Variants in ADAMTS17 observed in about 807,000 individuals in gnomAD.
ADAMTS17 encodes ADAM metallopeptidase with thrombospondin type 1 motif 17, also known as A disintegrin and metalloproteinase with thrombospondin motifs 17.
A neutral mutation model predicts 141.5 loss-of-function variants in ADAMTS17; 113 were observed. The ratio of observed to expected loss-of-function variants is 0.80; its 90% CI spans 0.69 to 0.93. The LOEUF (loss-of-function observed/expected upper bound fraction) is 0.93. Among genes scored for constraint, ADAMTS17 ranks in the 40% least tolerant of loss-of-function variants. The probability of loss-of-function intolerance (pLI) is 0.00; values close to 1 mark genes in which losing one functional copy is unlikely to be tolerated. For missense variants in ADAMTS17, 1,659 were observed against 1,517.9 expected (o/e 1.09, Z -1.54); for synonymous variants, 768 against 630.6 (o/e 1.22, Z -3.27).
chr15:100,300,285 T>C (rs74039221), intron 3 of ADAMTS17, among the ~76,000 whole-genome samples: 15,323 of 151,872 alleles, frequency 0.1, 1,247 homozygotes, highest in East Asian at 0.31. Flanking sequence ...AACCATAGGC[T>C]TAGGGGTGAG....
chr15:100,178,006 T>C (rs1329325804), intron 8 of ADAMTS17, among the ~76,000 whole-genome samples: 1 of 152,178 alleles, frequency 6.6e-6, no homozygotes. Flanking sequence ...AATGAATGTT[T>C]TCATGATGTA....
intron 20 of ADAMTS17, among the ~76,000 whole-genome samples, chr15:99,981,038 G>A (rs1229580648): frequency 2.0e-5 from 3 of 152,202 alleles, no homozygotes; most frequent in East Asian, 1.9e-4. Context: ...AGGTTGGCAC[G>A]GGTCCACGTC....
At chr15:100,059,758 C>G (rs1228078805) in intron 15 of ADAMTS17, among the ~76,000 whole-genome samples, 1 of 152,210 alleles carries the variant, frequency 6.6e-6, no homozygotes, top group Non-Finnish European at 1.5e-5. Context: ...GCTCTCCTGC[C>G]TTGCGTTAGC....
chr15:100,122,295 T>C (rs550067310), intron 12 of ADAMTS17, among the ~76,000 whole-genome samples: 48 of 152,360 alleles, frequency 3.2e-4, no homozygotes, highest in Admixed American at 5.2e-4. Flanking sequence ...GATTTAAAAA[T>C]ATGACCACAG....
rs8027989 is a variant in ADAMTS17, at chr15:100,313,992, C to T, written c.616+16897G>A. On this transcript the variant is annotated intron_variant, in intron 3 of 21. Transcript: ENST00000268070. ...AAACGTCAGACAAAACCACCCCAAA[C>T]GTCACCATGAAGAAACGTCAGACAA... is the stretch of plus-strand genomic sequence containing the variant. Among the ~76,000 whole-genome samples the T allele has an allele frequency of 1.2e-3, 107 of 92,998 alleles. 1 individual carries two copies. The highest frequency in any genetic ancestry group is 2.4e-3 in the South Asian group (4 of 1,684). 61.0% of individuals were successfully genotyped at this position (92,998 alleles called of 152,430 possible).
intron 6 of ADAMTS17, among the ~76,000 whole-genome samples, 186 bp from the exon 7 acceptor site, chr15:100,254,365 T>A (rs1420019093): frequency 6.6e-6 from 1 of 152,174 alleles, no homozygotes; most frequent in African/African-American, 2.4e-5. Flanking sequence ...CCGGGGTAGG[T>A]CCACTTACCC....
intron 4 of ADAMTS17, among the ~76,000 whole-genome samples, chr15:100,265,869 C>A (rs552768418): frequency 3.0e-4 from 46 of 152,328 alleles, no homozygotes; most frequent in Admixed American, 7.8e-4. Context: ...ATTCTGGAGT[C>A]CACCCCAGCC....
At chr15:100,088,211 C>T (rs1178932915) in intron 15 of ADAMTS17, among the ~76,000 whole-genome samples, 1 of 152,018 alleles carries the variant, frequency 6.6e-6, no homozygotes, top group Non-Finnish European at 1.5e-5. Context: ...AAACAGAGAG[C>T]CAAATCATGA....
intron 7 of ADAMTS17, among the ~76,000 whole-genome samples, chr15:100,202,187 C>G (rs1428668802): frequency 2.0e-5 from 3 of 152,240 alleles, no homozygotes; most frequent in African/African-American, 7.2e-5. Flanking sequence ...CAGCCACACT[C>G]AGCACTCGGA....
At chr15:100,147,273 A>G (rs2038953368) in intron 10 of ADAMTS17, among the ~76,000 whole-genome samples, 1 of 152,162 alleles carries the variant, frequency 6.6e-6, no homozygotes, top group South Asian at 2.1e-4. Flanking sequence ...GGAAAATAGA[A>G]AAGAACCTAC....
At chr15:100,205,972 G>C (rs1261931840) in intron 7 of ADAMTS17, among the ~76,000 whole-genome samples, 1 of 152,204 alleles carries the variant, frequency 6.6e-6, no homozygotes, top group African/African-American at 2.4e-5. Flanking sequence ...TCCACACTGA[G>C]CCACGCACCC....
At chr15:99,984,752 T>G (rs952961179) in intron 20 of ADAMTS17, among the ~76,000 whole-genome samples, 7 of 152,354 alleles carry the variant, frequency 4.6e-5, no homozygotes, top group Admixed American at 4.6e-4. Context: ...TGCCCTGCTC[T>G]GAGGTCAATG....
chr15:100,307,966 T>G (rs1390910153), intron 3 of ADAMTS17, among the ~76,000 whole-genome samples: 2 of 152,242 alleles, frequency 1.3e-5, no homozygotes, highest in East Asian at 3.8e-4. Flanking sequence ...AAATTCAACC[T>G]ACGAGTACGT....
At chr15:100,009,324 C>CT (rs1421948665) in intron 18 of ADAMTS17, among the ~76,000 whole-genome samples, 2 of 152,068 alleles carry the variant, frequency 1.3e-5, no homozygotes, top group African/African-American at 4.8e-5. Flanking sequence ...CAGGGGCTTT[C>CT]TTTTTTTATT....
chr15:100,152,989 T>C (rs114887368), intron 9 of ADAMTS17, among the ~76,000 whole-genome samples: 951 of 24,538 alleles, frequency 0.039, 17 homozygotes, highest in African/African-American at 0.064. Context: ...AGTAAGAACC[T>C]GGAGACTCGG....
chr15:100,039,489 C>G (rs566529171), intron 18 of ADAMTS17, among the ~76,000 whole-genome samples: 10 of 152,332 alleles, frequency 6.6e-5, no homozygotes, highest in African/African-American at 2.2e-4. Flanking sequence ...CTTGTGATTT[C>G]TATTTGACCC....
At chr15:100,097,868 C>T (rs12443479) in intron 14 of ADAMTS17, among the ~76,000 whole-genome samples, 25,823 of 152,196 alleles carry the variant, frequency 0.17, 2,177 homozygotes, top group South Asian at 0.23. Flanking sequence ...GTCTCATCCT[C>T]GGAGCCTTTT....
chr15:100,168,590 G>C (rs2040039373), intron 8 of ADAMTS17: 1 of 152,260 alleles, frequency 6.6e-6, no homozygotes, highest in Admixed American at 6.5e-5. Context: ...AGGTGTCGAG[G>C]AGGAACTTGC....
rs373163467 is a variant in ADAMTS17, at chr15:100,178,611, T to C, written c.1181+20707A>G. On this transcript the variant is annotated intron_variant, in intron 8 of 21. Coordinates refer to ENST00000268070, the MANE Select transcript of ADAMTS17 (RefSeq NM_139057.4). ...TTTTACTATTGTTCTGTTGTTCTTT[T>C]ACCCATTCTGTTGTTTTTTACTATT... 1.6e-3 allele frequency among the ~76,000 whole-genome samples: 244 copies of C among 152,274 alleles called. 1 individual carries two copies. Among genetic ancestry groups the C allele is most frequent in the South Asian group, 9.9e-3 (48 of 4,830 alleles).
Sources: allele counts gnomAD v4.1 joint callset (sites outside exome capture counted in the v4.1 genomes callset), GRCh38; gene constraint gnomAD v4.1.1; transcripts MANE v1.5; gene names NCBI Gene and HGNC (gene_info 2026-07-23, HGNC 2026-07-21).